The following TGM5 variants were observed in gnomAD, a reference collection of about 807,000 sequenced individuals.
The protein encoded by TGM5 is transglutaminase 5.
A neutral mutation model predicts 77.2 loss-of-function variants in TGM5; 69 were observed. That is an observed-to-expected ratio of 0.89 (90% CI 0.74 to 1.09). The LOEUF is 1.09. Among genes scored for constraint, TGM5 ranks in the 50% least tolerant of loss-of-function variants. The pLI is 0.00. For synonymous variants in TGM5, 346 were observed against 351.8 expected (o/e 0.98, Z 0.18); for missense variants, 842 against 896.5 (o/e 0.94, Z 0.78).
In TGM5 at chr15:43,266,925, G is replaced by C. The variant is rs2042828357; in HGVS notation, c.-76C>G. The C allele has an allele frequency of 5.6e-6, 9 of 1,593,826 alleles. No individual in the cohort carries two copies. The highest frequency in any genetic ancestry group is 7.7e-6 in the Non-Finnish European group (9 of 1,164,048). On this transcript the variant is annotated 5_prime_UTR_variant, in exon 1 of 13. Coordinates refer to ENST00000220420, the MANE Select transcript of TGM5 (RefSeq NM_201631.4). ...CTGGAGCTTCAGCAAACTGGTGCCA[G>C]AGTGTCTACTTCCCCTTCCATTGGA...
At chr15:43,235,354 G>A in intron 10 of TGM5, 115 bp downstream of exon 10, 1 of 1,416,636 alleles carries the variant, frequency 7.1e-7, no homozygotes, top group Non-Finnish European at 9.8e-7. Flanking sequence ...GTGCCAGAGG[G>A]GACAGTAGAA....
intron 4 of TGM5, among the ~76,000 whole-genome samples, chr15:43,254,840 G>C (rs1170280244): frequency 1.3e-5 from 2 of 151,946 alleles, no homozygotes; most frequent in African/African-American, 4.8e-5. Flanking sequence ...GCCCAACCAA[G>C]AGCTCTTCCC....
In TGM5 at chr15:43,233,611, T is replaced by A. The variant is rs778451314; in HGVS notation, c.1952A>T (p.Glu651Val). 2 of 1,614,212 alleles carry A rather than the reference T, an allele frequency of 1.2e-6. No individual in the cohort carries two copies. Among genetic ancestry groups the A allele is most frequent in the East Asian group, 4.5e-5 (2 of 44,886 alleles). The change falls in exon 12 of 13, where the codon GAG (glutamate) becomes GTG (valine). Residue 651 changes from glutamate (E) to valine (V), a missense_variant. Glu to Val is a moderately radical substitution (Grantham distance 121). Coordinates refer to ENST00000220420, the MANE Select transcript of TGM5 (RefSeq NM_201631.4). ...TCCTTCCACAGTCAGCACACAGTCCTCAACCTGCTCCGAGAGGGGGTTTGA... is the reference window on the plus strand; with the variant it reads ...TCCTTCCACAGTCAGCACACAGTCCACAACCTGCTCCGAGAGGGGGTTTGA... ...IFSNPLSEQV[E>V]DCVLTVEGSG...
intron 1 of TGM5, among the ~76,000 whole-genome samples, chr15:43,261,728 T>G (rs2042791931): frequency 6.6e-6 from 1 of 152,202 alleles, no homozygotes; most frequent in Non-Finnish European, 1.5e-5. Context: ...TTAAAACATC[T>G]CTGGTGTCTA....
intron 6 of TGM5, among the ~76,000 whole-genome samples, chr15:43,245,959 C>T (rs1160048842): frequency 2.6e-5 from 4 of 151,972 alleles, no homozygotes; most frequent in South Asian, 2.1e-4. Flanking sequence ...ACAATCTACT[C>T]CCTCCATCCT....
chr15:43,238,301 T>A (rs1252769052), intron 9 of TGM5, among the ~76,000 whole-genome samples: 1 of 152,110 alleles, frequency 6.6e-6, no homozygotes, highest in East Asian at 1.9e-4. Context: ...GTCCAGGCAT[T>A]CATCTATAGC....
intron 1 of TGM5, among the ~76,000 whole-genome samples, chr15:43,261,060 C>CTTTTTTTTTTTTTTTTTTTTTTTT (rs199676346): frequency 1.1e-5 from 1 of 90,616 alleles, no homozygotes; most frequent in African/African-American, 6.3e-5. Context: ...GCTGCTCTTC[C>CTTTTTTTTTTTTTTTTTTTTTTTT]TTTTTTTGTG....
intron 6 of TGM5, among the ~76,000 whole-genome samples, chr15:43,245,907 G>A (rs139356870): frequency 2.7e-5 from 4 of 147,636 alleles, no homozygotes; most frequent in South Asian, 4.6e-4. Flanking sequence ...GTTGGGGGGG[G>A]GGGTCTTAAA....
Position 43,253,583 on chromosome 15 carries a change from G to T in TGM5, c.607C>A (p.His203Asn), listed in dbSNP as rs777982827. 2 of 1,613,846 alleles carry T rather than the reference G, an allele frequency of 1.2e-6. No individual in the cohort carries two copies. Among genetic ancestry groups the T allele is most frequent in the Non-Finnish European group, 1.7e-6 (2 of 1,180,038 alleles). Residue 203 changes from histidine (H) to asparagine (N), a missense_variant, in exon 5 of 13, where the codon CAC (histidine) becomes AAC (asparagine). His to Asn is a moderately conservative substitution (Grantham distance 68). Transcript: ENST00000220420. ...ICLKLLDKSL[H>N]FQTDPATDCA... The stretch of plus-strand genomic sequence containing the variant: ...TCTGTGGCTGGGTCAGTCTGGAAGT[G>T]CAGGCTCTTGTCTAGCAGCTTCAGG...
Position 43,238,808 on chromosome 15 carries a change from C to G in TGM5, c.1345+9G>C, listed in dbSNP as rs2042609933. On this transcript the variant is annotated intron_variant, in intron 9 of 12. Transcript: ENST00000220420. The stretch of plus-strand genomic sequence containing the variant: ...TGGGGCTCTGAGTAGGGCTGGCTTG[C>G]TTACTTACCTTCTTCATACTTGTAG... 1 of 1,613,528 alleles carries G rather than the reference C, an allele frequency of 6.2e-7. No homozygotes were observed. The highest frequency in any genetic ancestry group is 1.3e-5 in the African/African-American group (1 of 74,866).
chr15:43,252,123 C>T (rs1409155375), intron 6 of TGM5, among the ~76,000 whole-genome samples: 1 of 152,186 alleles, frequency 6.6e-6, no homozygotes, highest in African/African-American at 2.4e-5. Flanking sequence ...CCTAATTACT[C>T]AGCCTCTCAT....
chr15:43,251,291 T>G (rs944040189), intron 6 of TGM5, among the ~76,000 whole-genome samples: 2 of 151,950 alleles, frequency 1.3e-5, no homozygotes, highest in Admixed American at 6.6e-5. Context: ...GGCTTACTGA[T>G]CATTCTCATC....
intron 6 of TGM5, among the ~76,000 whole-genome samples, chr15:43,241,939 C>T (rs893905139): frequency 6.7e-4 from 102 of 152,318 alleles, no homozygotes; most frequent in African/African-American, 2.4e-3. Context: ...CGCGCCCGGC[C>T]TCTGTGCTCT....
intron 4 of TGM5, among the ~76,000 whole-genome samples, chr15:43,254,312 G>A (rs989972989): frequency 3.9e-5 from 6 of 152,308 alleles, no homozygotes; most frequent in East Asian, 1.9e-4. Context: ...CCTGAGTCTC[G>A]GGGCTGTTTC....
Position 43,260,551 on chromosome 15 carries a change from C to T in TGM5, c.39G>A (p.Gln13=), listed in dbSNP as rs1054558634. ...QGLEVALTDL[Q]SSRNNVRHHT... ...GGTGCCGCACATTATTTCTGGAGCT[C>T]TGGAGGTCTGTGAGGGCCACTTCTA... is the stretch of plus-strand genomic sequence containing the variant. Residue 13 remains glutamine, a synonymous_variant, in exon 2 of 13, where the codon CAG becomes CAA. Coordinates refer to ENST00000220420, the MANE Select transcript of TGM5 (RefSeq NM_201631.4). 3.7e-5 allele frequency: 59 copies of T among 1,613,972 alleles called. No homozygotes were observed. Among genetic ancestry groups the T allele is most frequent in the Admixed American group, 6.7e-5 (4 of 60,004 alleles).
rs371142243 is a variant in TGM5 at position 43,234,978 on chromosome 15, C to T, written c.1715-49G>A. ...GGTGAGAGTAGCTGAGAAAATCAGCCGTACCTGGGTTGGACCTGGGTCTCT... is the reference window on the plus strand; with the variant it reads ...GGTGAGAGTAGCTGAGAAAATCAGCTGTACCTGGGTTGGACCTGGGTCTCT... On this transcript the variant is annotated intron_variant, in intron 10 of 12. Coordinates refer to ENST00000220420, the MANE Select transcript of TGM5 (RefSeq NM_201631.4). The T allele has an allele frequency of 4.0e-4, 635 of 1,607,134 alleles. 1 individual carries two copies. Among genetic ancestry groups the T allele is most frequent in the Non-Finnish European group, 4.6e-4 (545 of 1,177,376 alleles).
At chr15:43,256,751 T>C in intron 3 of TGM5, 65 bp from the exon 4 acceptor site, 3 of 1,161,754 alleles carry the variant, frequency 2.6e-6, no homozygotes, top group Non-Finnish European at 3.9e-6. Flanking sequence ...CCCATTCTCA[T>C]CCCCACAGTC....
At chr15:43,252,605 C>T (rs569156473) in intron 6 of TGM5, among the ~76,000 whole-genome samples, 154 bp downstream of exon 6, 20 of 152,304 alleles carry the variant, frequency 1.3e-4, no homozygotes, top group African/African-American at 4.1e-4. Context: ...TGTGAGCCAC[C>T]GTGCCCGGCC....
At chr15:43,233,510 C>T in intron 12 of TGM5, 44 bp downstream of exon 12, 4 of 1,613,844 alleles carry the variant, frequency 2.5e-6, no homozygotes, top group Non-Finnish European at 3.4e-6. Flanking sequence ...GTGCTAATCT[C>T]AGGGGGGAAA....
Sources: allele counts gnomAD v4.1 joint callset (sites outside exome capture counted in the v4.1 genomes callset), GRCh38; gene constraint gnomAD v4.1.1; transcripts MANE v1.5; gene names NCBI Gene and HGNC (gene_info 2026-07-23, HGNC 2026-07-21).